Variants in SCYL2 observed in about 807,000 individuals in gnomAD.
The protein encoded by SCYL2 is SCY1-like protein 2.
SCYL2 carries 36 observed loss-of-function variants against 100.4 expected under a neutral mutation model. The observed-to-expected ratio is 0.36, with a 90% CI of 0.27 to 0.47. The LOEUF (loss-of-function observed/expected upper bound fraction) is 0.47, where lower values mean the gene tolerates loss of function less well. SCYL2 is among the 20% of genes least tolerant of loss of function. The pLI is 1.00. For missense variants in SCYL2, 902 were observed against 1,083.9 expected, an observed-to-expected ratio of 0.83 and a Z score of 2.36; for synonymous variants, 330 against 359.2, an observed-to-expected ratio of 0.92 and a Z score of 0.92.
chr12:100,326,729 A>G lies in SCYL2; in HGVS notation c.1617A>G (p.Glu539=). ...LPFLQQIPSK[E]PAVLMGILGI... Reference sequence around the variant, plus strand: ...TCTTACAACAAATTCCATCCAAGGAACCTGCGGTCCTCATGGGAATTTTAG... The same window carrying G: ...TCTTACAACAAATTCCATCCAAGGAGCCTGCGGTCCTCATGGGAATTTTAG... Residue 539 remains glutamate, a synonymous_variant, in exon 12 of 18, where the codon GAA becomes GAG. Transcript: ENST00000360820. 2 of 1,611,244 alleles carry G rather than the reference A, an allele frequency of 1.2e-6. No homozygotes were observed. Among genetic ancestry groups the G allele is most frequent in the Non-Finnish European group, 8.5e-7 (1 of 1,179,164 alleles).
intron 16 of SCYL2, 106 bp downstream of exon 16, chr12:100,336,012 C>A: frequency 1.3e-6 from 1 of 775,856 alleles, no homozygotes; most frequent in Non-Finnish European, 2.2e-6. Context: ...TAACAAGAAA[C>A]ATTTGTAATT....
At chr12:100,294,731 C>T (rs1412947218) in intron 3 of SCYL2, among the ~76,000 whole-genome samples, 1 of 136,278 alleles carries the variant, frequency 7.3e-6, no homozygotes, top group African/African-American at 2.9e-5. Context: ...GACGGGGTGG[C>T]TGGCCGGGTG....
intron 1 of SCYL2, among the ~76,000 whole-genome samples, chr12:100,276,915 T>A (rs1403088000): frequency 6.6e-6 from 1 of 152,146 alleles, no homozygotes; most frequent in Non-Finnish European, 1.5e-5. Flanking sequence ...AGTACTGCTT[T>A]AGATATGACC....
At chr12:100,277,840 T>C (rs978330873) in intron 1 of SCYL2, among the ~76,000 whole-genome samples, 1 of 152,176 alleles carries the variant, frequency 6.6e-6, no homozygotes, top group Non-Finnish European at 1.5e-5. Flanking sequence ...ACTAACTAAA[T>C]TTTATCTCTA....
intron 4 of SCYL2, among the ~76,000 whole-genome samples, chr12:100,307,861 T>C (rs1439604373): frequency 6.6e-6 from 1 of 152,200 alleles, no homozygotes; most frequent in Non-Finnish European, 1.5e-5. Context: ...AAAGGACATT[T>C]ATGCAGCCAA....
chr12:100,275,542 T>G (rs1040097109), intron 1 of SCYL2, among the ~76,000 whole-genome samples: 1 of 152,252 alleles, frequency 6.6e-6, no homozygotes, highest in Non-Finnish European at 1.5e-5. Context: ...TTCTACTATA[T>G]TGCCAAACTC....
chr12:100,269,575 T>C (rs896186330), intron 1 of SCYL2, among the ~76,000 whole-genome samples: 1 of 152,206 alleles, frequency 6.6e-6, no homozygotes, highest in Admixed American at 6.5e-5. Flanking sequence ...TTTTATCTTA[T>C]CATCACTGTT....
At chr12:100,329,068 T>C in intron 12 of SCYL2, 133 bp from the exon 13 acceptor site, 1 of 556,488 alleles carries the variant, frequency 1.8e-6, no homozygotes. Context: ...AGAACATCAT[T>C]ATTCTAGGCA....
At chr12:100,293,886 TTC>T (rs569490878) in intron 3 of SCYL2, among the ~76,000 whole-genome samples, 80 of 152,282 alleles carry the variant, frequency 5.3e-4, no homozygotes, top group Non-Finnish European at 8.2e-4. Context: ...AGAAGAATTT[TTC>T]TTAGTATAGA....
intron 2 of SCYL2, among the ~76,000 whole-genome samples, chr12:100,290,193 C>T (rs950732876): frequency 6.6e-6 from 1 of 152,090 alleles, no homozygotes; most frequent in Non-Finnish European, 1.5e-5. Flanking sequence ...TGCCCAAAGG[C>T]AGCTGGTCAG....
intron 3 of SCYL2, 154 bp downstream of exon 3, chr12:100,291,814 T>C (rs1454744984): frequency 1.5e-6 from 1 of 666,250 alleles, no homozygotes; most frequent in Non-Finnish European, 2.5e-6. Flanking sequence ...AAAATTTATT[T>C]GCATTGTCTA....
chr12:100,296,887 C>T (rs1201747631), intron 3 of SCYL2: 1 of 152,162 alleles, frequency 6.6e-6, no homozygotes, highest in East Asian at 1.9e-4. Context: ...CATTTCTCAC[C>T]TTCAACCTAA....
chr12:100,324,259 C>T (rs1356235794), intron 11 of SCYL2, among the ~76,000 whole-genome samples: 1 of 152,080 alleles, frequency 6.6e-6, no homozygotes, highest in African/African-American at 2.4e-5. Context: ...CAATAAATGT[C>T]CCCAGCCTTT....
intron 9 of SCYL2, among the ~76,000 whole-genome samples, chr12:100,316,677 A>G (rs1178660310): frequency 2.0e-5 from 3 of 152,210 alleles, no homozygotes; most frequent in East Asian, 3.8e-4. Flanking sequence ...CAAATGGTCA[A>G]GGTGTCATGA....
intron 1 of SCYL2, among the ~76,000 whole-genome samples, chr12:100,270,413 C>T (rs2135783661): frequency 6.6e-6 from 1 of 152,172 alleles, no homozygotes; most frequent in African/African-American, 2.4e-5. Flanking sequence ...TAGTGAGAAA[C>T]TGTCACCCCT....
At chr12:100,302,981 G>A (rs1934187648) in intron 4 of SCYL2, among the ~76,000 whole-genome samples, 1 of 151,810 alleles carries the variant, frequency 6.6e-6, no homozygotes. Context: ...ATCTTGTCTT[G>A]ATGCTTTATT....
At chr12:100,300,850 T>C (rs1415735067) in intron 4 of SCYL2, among the ~76,000 whole-genome samples, 2 of 152,252 alleles carry the variant, frequency 1.3e-5, no homozygotes, top group Non-Finnish European at 2.9e-5. Flanking sequence ...GACTGAATAG[T>C]ACTCCATTAT....
intron 3 of SCYL2, among the ~76,000 whole-genome samples, chr12:100,294,708 C>A (rs1289733778): frequency 3.1e-5 from 4 of 128,816 alleles, no homozygotes; most frequent in Non-Finnish European, 4.8e-5. Flanking sequence ...CTGACCCCCC[C>A]ACCTCCCTCC....
In SCYL2 at chr12:100,315,566, T is replaced by A; in HGVS notation, c.1104T>A (p.Ile368=). 6.3e-7 allele frequency: 1 copy of A among 1,592,538 alleles called. No homozygotes were observed. Among genetic ancestry groups the A allele is most frequent in the Non-Finnish European group, 8.5e-7 (1 of 1,170,780 alleles). ...ACATTTTTGCCTTTCAGCGTGTCAT[T>A]GTGCAGAGAATTTTGCCTTGTTTGA... ...KVLPKLPKRV[I]VQRILPCLTS... is the part of the protein sequence containing the mutation. The change falls in exon 9 of 18, where the codon ATT becomes ATA. Residue 368 remains isoleucine (I), a synonymous_variant. Transcript: ENST00000360820.
Sources: gnomAD v4.1 joint callset for allele counts (sites outside exome capture counted in the v4.1 genomes callset) on GRCh38, gnomAD v4.1.1 for gene constraint, MANE v1.5 for transcripts, NCBI Gene and HGNC (gene_info 2026-07-23, HGNC 2026-07-21) for gene names.